Variants in LRRK1 observed in about 807,000 individuals in gnomAD.
LRRK1 encodes the protein leucine rich repeat kinase 1.
In LRRK1, 113 loss-of-function variants were observed where a neutral mutation model predicts 209.1. That is an observed-to-expected ratio of 0.54 (90% CI 0.46 to 0.63). The LOEUF (loss-of-function observed/expected upper bound fraction) is 0.63, where lower values mean the gene tolerates loss of function less well. LRRK1 is among the 30% of genes least tolerant of loss of function. LRRK1 has a pLI of 0.00. For synonymous variants in LRRK1, 1,144 were observed against 1,099.7 expected (o/e 1.04, Z -0.80); for missense variants, 2,284 against 2,632.2 (o/e 0.87, Z 2.89).
intron 12 of LRRK1, among the ~76,000 whole-genome samples, chr15:101,016,113 C>T (rs2033527299): frequency 6.6e-6 from 1 of 151,980 alleles, no homozygotes; most frequent in Admixed American, 6.5e-5. Flanking sequence ...CTTCAGCCTC[C>T]CAAGTAGCTG....
rs370749356 is a variant in LRRK1, at chr15:101,065,493, G to C, written c.5056G>C (p.Ala1686Pro). Residue 1686 changes from alanine (A) to proline (P), a missense_variant, in exon 32 of 34, where the codon GCA becomes CCA. Physicochemically the swap from Ala to Pro is conservative, Grantham distance 27. This residue lies in a region of LRRK1 where 643 missense variants were observed against 695.9 expected (regional missense o/e 0.92). Coordinates refer to ENST00000388948, the MANE Select transcript of LRRK1 (RefSeq NM_024652.6). ...RSKFSIADED[A>P]RQNPYPVKAM... ...CAAGTTCAGCATCGCGGATGAAGAC[G>C]CACGGCAGAACCCCTACCCAGTGAA... 3.7e-6 allele frequency: 6 copies of C among 1,614,204 alleles called. No individual in the cohort carries two copies. The highest frequency in any genetic ancestry group is 1.6e-4 in the Middle Eastern group (1 of 6,062).
At chr15:101,036,647 G>A (rs1346422408) in intron 20 of LRRK1, among the ~76,000 whole-genome samples, 1 of 151,994 alleles carries the variant, frequency 6.6e-6, no homozygotes, top group Non-Finnish European at 1.5e-5. Context: ...GAGAATTATT[G>A]TTTTCCTTTG....
In LRRK1 at chr15:100,980,479, G is replaced by A. The variant is rs141859781; in HGVS notation, c.262-3049G>A. Among the ~76,000 whole-genome samples the A allele has an allele frequency of 9.4e-4, 143 of 152,280 alleles. 1 individual carries two copies. The highest frequency in any genetic ancestry group is 3.1e-3 in the African/African-American group (129 of 41,554). ...ATGAGGGAGACCTTTTGATGGAACA[G>A]GTGATGGAACAGGTTCGTATCTTGA... is the stretch of plus-strand genomic sequence containing the variant. On this transcript the variant is annotated intron_variant, in intron 3 of 33. Transcript: ENST00000388948.
chr15:100,935,644 G>A (rs1159324747), intron 2 of LRRK1, among the ~76,000 whole-genome samples: 1 of 152,142 alleles, frequency 6.6e-6, no homozygotes, highest in Non-Finnish European at 1.5e-5. Context: ...GCAGTGGGAG[G>A]AAGAGAATGC....
At chr15:100,961,664 AAAC>A (rs1032656909) in intron 2 of LRRK1, among the ~76,000 whole-genome samples, 3 of 124,986 alleles carry the variant, frequency 2.4e-5, no homozygotes, top group South Asian at 2.6e-4. Flanking sequence ...AAAAAAAAAA[AAAC>A]CATAGCAGTT....
Position 101,066,598 on chromosome 15 carries a change from C to A in LRRK1, c.5769-42C>A, listed in dbSNP as rs745736774. 5 of 1,580,952 alleles carry A rather than the reference C, an allele frequency of 3.2e-6. No individual in the cohort carries two copies. The South Asian group carries it at 4.4e-5, about 14-fold the overall frequency. ...CGGCTTCACTCCCCGGAGAGCACGG[C>A]TACCGACAAATCGCTTCCCCTTCTG... On this transcript the variant is annotated intron_variant, in intron 32 of 33. Coordinates refer to ENST00000388948, the MANE Select transcript of LRRK1 (RefSeq NM_024652.6).
At chr15:100,968,442 C>T (rs1399555778) in intron 2 of LRRK1, among the ~76,000 whole-genome samples, 2 of 152,084 alleles carry the variant, frequency 1.3e-5, no homozygotes, top group African/African-American at 4.8e-5. Context: ...GACCATTTTG[C>T]ACTCTAGCCA....
At chr15:101,042,078 A>G (rs2034787412) in intron 20 of LRRK1, among the ~76,000 whole-genome samples, 1 of 152,334 alleles carries the variant, frequency 6.6e-6, no homozygotes, top group African/African-American at 2.4e-5. Context: ...TAAACAATCA[A>G]TAGTCTTTTA....
intron 12 of LRRK1, among the ~76,000 whole-genome samples, chr15:101,019,835 G>A (rs573471995): frequency 7.2e-5 from 11 of 152,312 alleles, no homozygotes; most frequent in African/African-American, 2.6e-4. Flanking sequence ...GCACTTCAGA[G>A]ATTCTGCTGA....
intron 20 of LRRK1, among the ~76,000 whole-genome samples, chr15:101,032,367 G>A (rs942210199): frequency 5.3e-5 from 8 of 151,344 alleles, no homozygotes. Context: ...GTGCCATATT[G>A]TGCTGCACCC....
chr15:100,965,640 C>G (rs554781090), intron 2 of LRRK1, among the ~76,000 whole-genome samples: 1 of 152,188 alleles, frequency 6.6e-6, no homozygotes, highest in African/African-American at 2.4e-5. Flanking sequence ...TTTTCCCTAA[C>G]CAGTTCCTAC....
chr15:100,924,672 T>A lies in LRRK1; in HGVS notation c.40T>A (p.Cys14Ser), dbSNP rs982310051. The change falls in exon 2 of 34, where the codon TGT (cysteine) becomes AGT (serine). Residue 14 changes from cysteine to serine, a missense_variant. Cys to Ser is a moderately radical substitution (Grantham distance 112, BLOSUM62 -1). Around this residue, in one of 6 missense-constraint regions of LRRK1, gnomAD observed 174 missense variants for 133.5 expected, o/e 1.30. Transcript: ENST00000388948. ...MSQRPPSMYWCVGPEESAVCP... is the reference protein window; with the variant it reads ...MSQRPPSMYWSVGPEESAVCP... ...GCAAAGACCCCCCAGCATGTACTGG[T>A]GTGTGGGGCCGGAGGAGTCAGCTGT... is the stretch of plus-strand genomic sequence containing the variant. The A allele has an allele frequency of 5.0e-6, 8 of 1,613,838 alleles. No homozygotes were observed. Among genetic ancestry groups the A allele is most frequent in the Non-Finnish European group, 5.1e-6 (6 of 1,179,968 alleles).
At chr15:100,973,023 C>G (rs2068179704) in intron 2 of LRRK1, among the ~76,000 whole-genome samples, 2 of 152,194 alleles carry the variant, frequency 1.3e-5, no homozygotes, top group Non-Finnish European at 2.9e-5. Flanking sequence ...ACTGTGAACC[C>G]CTTCTAGAGT....
chr15:100,986,968 T>C (rs543713617), intron 4 of LRRK1, among the ~76,000 whole-genome samples: 50 of 152,320 alleles, frequency 3.3e-4, no homozygotes, highest in Admixed American at 8.5e-4. Context: ...TCCTGAAATA[T>C]AATGCCTGCC....
chr15:101,058,615 A>C (rs546042519), intron 29 of LRRK1, among the ~76,000 whole-genome samples: 70 of 2,892 alleles, frequency 0.024, 2 homozygotes, highest in Non-Finnish European at 0.097. Flanking sequence ...CAGAAGGGGC[A>C]ACGGGGGGGG....
rs758064403 is a variant in LRRK1 at position 101,055,028 on chromosome 15, G to C, written c.4137G>C (p.Lys1379Asn). 6.2e-7 allele frequency: 1 copy of C among 1,614,136 alleles called. No homozygotes were observed. The highest frequency in any genetic ancestry group is 1.1e-5 in the South Asian group (1 of 91,078). Residue 1379 changes from lysine (K) to asparagine (N), a missense_variant, in exon 27 of 34, where the codon AAG (lysine) becomes AAC (asparagine). This residue lies in a region of LRRK1 where 780 missense variants were observed against 985.2 expected (regional missense o/e 0.79). Coordinates refer to ENST00000388948, the MANE Select transcript of LRRK1 (RefSeq NM_024652.6). ...QIASGLAYLH[K>N]KNIIFCDLKS... ...CCTCGGGCCTGGCCTACCTGCACAA[G>C]AAAAACATCATCTTCTGTGACCTGA...
intron 20 of LRRK1, among the ~76,000 whole-genome samples, chr15:101,035,169 A>C (rs1231148746): frequency 6.6e-6 from 1 of 151,806 alleles, no homozygotes; most frequent in African/African-American, 2.4e-5. Flanking sequence ...AAATGTCTGT[A>C]AGGTCCTTTT....
intron 16 of LRRK1, among the ~76,000 whole-genome samples, chr15:101,025,268 G>C (rs187672483): frequency 2.6e-4 from 40 of 152,284 alleles, no homozygotes; most frequent in Admixed American, 2.4e-3. Flanking sequence ...TCTGATGGCT[G>C]CTGTCATGTC....
chr15:101,060,400 TG>T (rs1353521400), intron 29 of LRRK1, among the ~76,000 whole-genome samples: 1 of 152,174 alleles, frequency 6.6e-6, no homozygotes, highest in Non-Finnish European at 1.5e-5. Context: ...AAAAAAATGA[TG>T]GGAAAAGGAG....
Sources: allele counts gnomAD v4.1 joint callset (sites outside exome capture counted in the v4.1 genomes callset), GRCh38; gene constraint gnomAD v4.1.1; regional missense constraint gnomAD v4.1.1; transcripts MANE v1.5; gene names NCBI Gene and HGNC (gene_info 2026-07-23, HGNC 2026-07-21).